Variants in DHX35 observed in about 807,000 individuals in gnomAD.
DHX35 encodes DEAH-box helicase 35.
DHX35 carries 84 observed loss-of-function variants against 99.6 expected under a neutral mutation model. The ratio of observed to expected loss-of-function variants is 0.84; its 90% confidence interval spans 0.71 to 1.01. The LOEUF (loss-of-function observed/expected upper bound fraction) is 1.01, where lower values mean the gene tolerates loss of function less well. Among genes scored for constraint, DHX35 ranks in the 50% least tolerant of loss-of-function variants. The pLI, the probability that DHX35 is intolerant of heterozygous loss-of-function variation, is 0.00. For missense variants in DHX35, 852 were observed against 888.5 expected (o/e 0.96, Z 0.52); for synonymous variants, 331 against 316.2 (o/e 1.05, Z -0.50).
chr20:38,976,391 A>G (rs1201527395), intron 3 of DHX35, among the ~76,000 whole-genome samples: 2 of 149,034 alleles, frequency 1.3e-5, no homozygotes, highest in Admixed American at 6.7e-5. Context: ...AACATGAAAC[A>G]TCTATACATG....
At chr20:39,012,344 A>G (rs944671570) in intron 13 of DHX35, among the ~76,000 whole-genome samples, 4 of 152,206 alleles carry the variant, frequency 2.6e-5, no homozygotes, top group African/African-American at 9.7e-5. Flanking sequence ...GACAGAAATG[A>G]CAGATCAGTA....
At chr20:39,024,591 A>G (rs1386226718) in intron 17 of DHX35, among the ~76,000 whole-genome samples, 1 of 152,236 alleles carries the variant, frequency 6.6e-6, no homozygotes, top group Non-Finnish European at 1.5e-5. Flanking sequence ...CTCTACCACT[A>G]GAAAGTGGGT....
At chr20:39,034,057 G>A (rs373437166) in intron 20 of DHX35, 149 bp from the exon 21 acceptor site, 27 of 627,736 alleles carry the variant, frequency 4.3e-5, no homozygotes, top group African/African-American at 3.4e-4. Flanking sequence ...TTGAGGCTGT[G>A]GTGAGCAACA....
chr20:38,990,118 T>C (rs530293602), intron 5 of DHX35, among the ~76,000 whole-genome samples: 2 of 152,342 alleles, frequency 1.3e-5, no homozygotes, highest in Non-Finnish European at 2.9e-5. Flanking sequence ...TAATTTTCAG[T>C]GGTTTGCATA....
chr20:39,024,544 G>A (rs186806740), intron 17 of DHX35, among the ~76,000 whole-genome samples: 119 of 152,312 alleles, frequency 7.8e-4, no homozygotes, highest in Admixed American at 1.3e-3. Context: ...AAATTCATTT[G>A]TACAGGCACA....
intron 4 of DHX35, among the ~76,000 whole-genome samples, chr20:38,984,341 C>T (rs2145860967): frequency 6.6e-6 from 1 of 152,278 alleles, no homozygotes; most frequent in Non-Finnish European, 1.5e-5. Context: ...CAAATTTCAC[C>T]ATCCAACATA....
intron 20 of DHX35, among the ~76,000 whole-genome samples, chr20:39,032,252 A>T (rs1486327200): frequency 6.6e-6 from 1 of 152,148 alleles, no homozygotes; most frequent in Admixed American, 6.5e-5. Flanking sequence ...GCTCACTTCA[A>T]TCTCCACCTT....
At position 38,992,384 on chromosome 20, in the gene DHX35, A is replaced by G; in HGVS notation, c.541A>G (p.Arg181Gly). 1.2e-6 allele frequency: 2 copies of G among 1,614,106 alleles called. No individual in the cohort carries two copies. The highest frequency in any genetic ancestry group is 2.2e-5 in the South Asian group (2 of 91,080). ...SVIMLDEAHERTLYTDIAIGL... is the reference protein window; with the variant it reads ...SVIMLDEAHEGTLYTDIAIGL... ...CATCATGCTGGATGAAGCCCACGAG[A>G]GGACCTTGTACACTGACATTGCCAT... Residue 181 changes from arginine to glycine, a missense_variant, in exon 7 of 22, where the codon AGG becomes GGG. Physicochemically the swap from Arg to Gly is moderately radical, Grantham distance 125 (BLOSUM62 -2). Coordinates refer to ENST00000252011, the MANE Select transcript of DHX35 (RefSeq NM_021931.4).
chr20:38,962,414 C>G lies in DHX35; in HGVS notation c.40+7C>G. On this transcript the variant is annotated splice_region_variant and intron_variant, in intron 1 of 21. Coordinates refer to ENST00000252011, the MANE Select transcript of DHX35 (RefSeq NM_021931.4). Reference sequence around the variant, plus strand: ...GTGAAGTTCTGGCGACCCGGTAAGGCCCTTGGTGGAACGCTGGGCAGATGC... The same window carrying G: ...GTGAAGTTCTGGCGACCCGGTAAGGGCCTTGGTGGAACGCTGGGCAGATGC... 6.2e-7 allele frequency: 1 copy of G among 1,612,440 alleles called. No individual in the cohort carries two copies. The highest frequency in any genetic ancestry group is 8.5e-7 in the Non-Finnish European group (1 of 1,179,168).
chr20:38,990,250 T>C (rs571287958), intron 5 of DHX35, among the ~76,000 whole-genome samples: 1 of 152,328 alleles, frequency 6.6e-6, no homozygotes, highest in Non-Finnish European at 1.5e-5. Flanking sequence ...CGTATGTATG[T>C]GGCAGCTAGT....
chr20:39,026,072 C>T (rs983958656), intron 18 of DHX35, among the ~76,000 whole-genome samples: 1 of 152,170 alleles, frequency 6.6e-6, no homozygotes, highest in Non-Finnish European at 1.5e-5. Flanking sequence ...GGAAGTGACA[C>T]ACCCGCCTCA....
intron 15 of DHX35, among the ~76,000 whole-genome samples, chr20:39,021,323 T>C (rs1206910423): frequency 6.6e-6 from 1 of 152,048 alleles, no homozygotes; most frequent in Non-Finnish European, 1.5e-5. Flanking sequence ...GACCTGCCCT[T>C]AGTGATGGGG....
chr20:38,995,093 C>T (rs1284752743), intron 8 of DHX35, among the ~76,000 whole-genome samples: 1 of 152,192 alleles, frequency 6.6e-6, no homozygotes, highest in Non-Finnish European at 1.5e-5. Flanking sequence ...AATTACCTAC[C>T]TGTCTTGTTT....
Position 39,021,701 on chromosome 20 carries a change from A to G in DHX35, c.1499-140A>G, listed in dbSNP as rs2086874485. 3.7e-6 allele frequency: 3 copies of G among 816,692 alleles called. No homozygotes were observed. The South Asian group carries it at 4.7e-5, about 13-fold the overall frequency. The allele number at this position is 816,692 out of a possible 1,614,324, so 50.6% of individuals were successfully genotyped here. A position where few individuals can be genotyped will look rare whatever the true frequency, so the allele number is the denominator to read the frequency against. Reference sequence around the variant, plus strand: ...TTTGCCATGCTGCCCAGGCTTATATACTATACACTTTAAAAATTAAGCTCT... The same window carrying G: ...TTTGCCATGCTGCCCAGGCTTATATGCTATACACTTTAAAAATTAAGCTCT... On this transcript the variant is annotated intron_variant, in intron 15 of 21. Transcript: ENST00000252011.
At chr20:38,971,075 G>A (rs1240580908) in intron 2 of DHX35, among the ~76,000 whole-genome samples, 3 of 152,154 alleles carry the variant, frequency 2.0e-5, no homozygotes, top group Admixed American at 6.5e-5. Context: ...TTGGAGGCTC[G>A]GTGTGGTGGC....
At chr20:39,038,397 C>A in intron 21 of DHX35, 102 bp from the exon 22 acceptor site, 1 of 1,290,698 alleles carries the variant, frequency 7.7e-7, no homozygotes, top group Non-Finnish European at 1.1e-6. Context: ...AAGGTGTGGA[C>A]CAGATGGAAG....
chr20:38,977,262 G>A (rs923309654), intron 3 of DHX35, among the ~76,000 whole-genome samples: 2 of 152,086 alleles, frequency 1.3e-5, no homozygotes, highest in South Asian at 2.1e-4. Flanking sequence ...ATTTGCTGTC[G>A]TTCATCTTTT....
In DHX35 at chr20:38,971,277, C is replaced by T. The variant is rs528616219; in HGVS notation, c.175-1282C>T. On this transcript the variant is annotated intron_variant, in intron 2 of 21. Coordinates refer to ENST00000252011, the MANE Select transcript of DHX35 (RefSeq NM_021931.4). ...GCTGAGGCAGGAGAACTCTTGAACC[C>T]GGGAGGTGGGGGTTGCAGTGAGCCA... 1.1e-4 allele frequency among the ~76,000 whole-genome samples: 16 copies of T among 152,268 alleles called. No homozygotes were observed. The East Asian group carries it at 2.1e-3, about 20-fold the overall frequency.
chr20:38,992,417 C>G lies in DHX35; in HGVS notation c.574C>G (p.Leu192Val). ...GTACACTGACATTGCCATTGGCTTG[C>G]TAAAAAAGGTATGACTTCACTGCCA... ...TLYTDIAIGL[L>V]KKIQKKRGDL... is the part of the protein sequence containing the mutation. The change falls in exon 7 of 22, where the codon CTA becomes GTA. Residue 192 changes from leucine to valine, a missense_variant. Transcript: ENST00000252011. 1 of 1,613,828 alleles carries G rather than the reference C, an allele frequency of 6.2e-7. No homozygotes were observed. The highest frequency in any genetic ancestry group is 8.5e-7 in the Non-Finnish European group (1 of 1,179,874).
Sources: gnomAD v4.1 joint callset for allele counts (sites outside exome capture counted in the v4.1 genomes callset) on GRCh38, gnomAD v4.1.1 for gene constraint, MANE v1.5 for transcripts, NCBI Gene and HGNC (gene_info 2026-07-23, HGNC 2026-07-21) for gene names.